The following UBXN7 variants were observed in gnomAD, a reference collection of about 807,000 sequenced individuals.
UBXN7 encodes the protein UBX domain-containing protein 7.
In UBXN7, 9 loss-of-function variants were observed where a neutral mutation model predicts 58.0. The observed-to-expected ratio is 0.16, with a 90% CI of 0.09 to 0.27. UBXN7 has a LOEUF of 0.27. UBXN7 is among the 10% of genes least tolerant of loss of function. UBXN7 has a pLI of 1.00. For missense variants in UBXN7, 328 were observed against 599.6 expected (o/e 0.55, Z 4.73); for synonymous variants, 208 against 205.0 (o/e 1.01, Z -0.12).
chr3:196,409,953 T>G (rs1316788814), intron 1 of UBXN7, among the ~76,000 whole-genome samples: 1 of 151,948 alleles, frequency 6.6e-6, no homozygotes, highest in Non-Finnish European at 1.5e-5. Flanking sequence ...TTTTTTTTTT[T>G]TTTTGAGACG....
In UBXN7 at chr3:196,401,274, A is replaced by T. The variant is rs370537825; in HGVS notation, c.289+1678T>A. On this transcript the variant is annotated intron_variant, in intron 3 of 10. Coordinates refer to ENST00000296328, the MANE Select transcript of UBXN7 (RefSeq NM_015562.2). ...AAAAAAAAAAAAAAAAAAAAAAAAA[A>T]ATATATATATATATATATATATATA... 6.3e-3 allele frequency among the ~76,000 whole-genome samples: 233 copies of T among 36,868 alleles called. 18 individuals carry two copies. In the South Asian group the frequency reaches 0.13, roughly 21 times the overall value. The allele number at this position is 36,868 out of a possible 152,430, so 24.2% of individuals were successfully genotyped here.
At position 196,370,831 on chromosome 3, in the gene UBXN7, G is replaced by A. The variant is rs1577438809; in HGVS notation, c.615+1065C>T. On this transcript the variant is annotated intron_variant, in intron 6 of 10. Coordinates refer to ENST00000296328, the MANE Select transcript of UBXN7 (RefSeq NM_015562.2). ...GGCCCAGGAGTTCGAGACGAGCCTG[G>A]GCAATATGGCAGGACCCCATCTCTA... 2.0e-5 allele frequency among the ~76,000 whole-genome samples: 3 copies of A among 148,768 alleles called. No individual in the cohort carries two copies. The East Asian group carries it at 5.9e-4, about 29-fold the overall frequency.
chr3:196,382,800 C>G (rs1005126374), intron 5 of UBXN7, among the ~76,000 whole-genome samples: 1 of 152,072 alleles, frequency 6.6e-6, no homozygotes, highest in African/African-American at 2.4e-5. Flanking sequence ...GAAGATCTAC[C>G]AAGCAAATGG....
Position 196,391,900 on chromosome 3 carries a change from A to T in UBXN7, c.381T>A (p.Asn127Lys). 3 of 1,595,892 alleles carry T rather than the reference A, an allele frequency of 1.9e-6. No homozygotes were observed. The highest frequency in any genetic ancestry group is 2.6e-6 in the Non-Finnish European group (3 of 1,169,968). The change falls in exon 5 of 11, where the codon AAT (asparagine) becomes AAA (lysine). Residue 127 changes from asparagine to lysine, a missense_variant. Coordinates refer to ENST00000296328, the MANE Select transcript of UBXN7 (RefSeq NM_015562.2). ...ETIRQEQELR[N>K]GGAIDKKLTT... ...TTAATTTCTTATCGATAGCTCCTCC[A>T]TTTCTTAATTCTTGTTCTTGCCGAA... is the stretch of plus-strand genomic sequence containing the variant.
Position 196,403,023 on chromosome 3 carries a change from T to C in UBXN7, c.222-4A>G. 6.3e-7 allele frequency: 1 copy of C among 1,586,484 alleles called. No homozygotes were observed. Among genetic ancestry groups the C allele is most frequent in the Non-Finnish European group, 8.5e-7 (1 of 1,173,732 alleles). On this transcript the variant is annotated splice_region_variant and splice_polypyrimidine_tract_variant and intron_variant, in intron 2 of 10. Coordinates refer to ENST00000296328, the MANE Select transcript of UBXN7 (RefSeq NM_015562.2). ...AATTGGGGCACGAACTTCTTCTCTA[T>C]TAAAAAAAAATGGGAAAATAAAAAA...
At chr3:196,427,471 C>A (rs1435752131) in intron 1 of UBXN7, among the ~76,000 whole-genome samples, 1 of 152,092 alleles carries the variant, frequency 6.6e-6, no homozygotes, top group Non-Finnish European at 1.5e-5. Context: ...GCGTGCACCA[C>A]CATGCTCAGC....
intron 1 of UBXN7, among the ~76,000 whole-genome samples, chr3:196,420,186 TA>T (rs1363294748): frequency 6.6e-6 from 1 of 152,080 alleles, no homozygotes; most frequent in Non-Finnish European, 1.5e-5. Flanking sequence ...GGGGGGCTAA[TA>T]AAACAAGTTT....
intron 1 of UBXN7, chr3:196,431,670 T>G (rs1225804103): frequency 1.1e-5 from 3 of 271,702 alleles, no homozygotes; most frequent in African/African-American, 7.0e-5. Context: ...CCTATTCAGC[T>G]TGGGGGTTCC....
At chr3:196,419,549 A>G (rs1415607145) in intron 1 of UBXN7, among the ~76,000 whole-genome samples, 1 of 152,204 alleles carries the variant, frequency 6.6e-6, no homozygotes, top group African/African-American at 2.4e-5. Context: ...CCGTATCATC[A>G]GTTGTTCTTA....
chr3:196,432,289 G>A, intron 1 of UBXN7, 38 bp downstream of exon 1: 1 of 1,611,856 alleles, frequency 6.2e-7, no homozygotes, highest in Non-Finnish European at 8.5e-7. Context: ...GCCCGCTCCG[G>A]ACCCCACTCT....
intron 5 of UBXN7, among the ~76,000 whole-genome samples, chr3:196,377,671 T>C (rs1729074306): frequency 6.6e-6 from 1 of 151,442 alleles, no homozygotes; most frequent in Admixed American, 6.6e-5. Flanking sequence ...TTTATTCTCC[T>C]TTTTTTTTCT....
At chr3:196,381,929 A>G (rs1392910719) in intron 5 of UBXN7, among the ~76,000 whole-genome samples, 1 of 151,918 alleles carries the variant, frequency 6.6e-6, no homozygotes, top group African/African-American at 2.4e-5. Flanking sequence ...GTGAGAAGAC[A>G]AGGTTAGAGA....
intron 8 of UBXN7, among the ~76,000 whole-genome samples, chr3:196,363,163 A>G (rs1728552778): frequency 6.6e-6 from 1 of 151,330 alleles, no homozygotes; most frequent in East Asian, 2.0e-4. Context: ...TCGGCCTCCC[A>G]AAGTGCTGGG....
At chr3:196,410,305 G>A (rs1407931856) in intron 1 of UBXN7, among the ~76,000 whole-genome samples, 1 of 152,108 alleles carries the variant, frequency 6.6e-6, no homozygotes, top group Non-Finnish European at 1.5e-5. Context: ...GGTTACTCAT[G>A]TTATCACTCT....
At chr3:196,419,049 T>C (rs939214424) in intron 1 of UBXN7, among the ~76,000 whole-genome samples, 1 of 152,124 alleles carries the variant, frequency 6.6e-6, no homozygotes, top group Non-Finnish European at 1.5e-5. Flanking sequence ...GTGGATCACT[T>C]GAGGCCAGGA....
chr3:196,400,289 G>T (rs1367560926), intron 3 of UBXN7: 1 of 152,042 alleles, frequency 6.6e-6, no homozygotes, highest in African/African-American at 2.4e-5. Context: ...TTAGGGACCT[G>T]AGCCCACACC....
intron 1 of UBXN7, among the ~76,000 whole-genome samples, chr3:196,408,663 T>C (rs1730235730): frequency 1.3e-5 from 2 of 152,222 alleles, no homozygotes; most frequent in Non-Finnish European, 1.5e-5. Flanking sequence ...TCGCTGTCAT[T>C]CCTGACAGTT....
chr3:196,403,163 TG>T (rs938849552), intron 2 of UBXN7, 144 bp from the exon 3 acceptor site: 1 of 843,740 alleles, frequency 1.2e-6, no homozygotes, highest in Non-Finnish European at 1.7e-6. Context: ...GCTATTTTTT[TG>T]GGGGGGCGGT....
chr3:196,384,096 A>G (rs536690973), intron 5 of UBXN7, among the ~76,000 whole-genome samples: 3 of 152,338 alleles, frequency 2.0e-5, no homozygotes, highest in Admixed American at 6.5e-5. Flanking sequence ...AAATAGACGC[A>G]ATAAAAAATG....
Sources: gnomAD v4.1 joint callset for allele counts (sites outside exome capture counted in the v4.1 genomes callset) on GRCh38, gnomAD v4.1.1 for gene constraint, MANE v1.5 for transcripts, NCBI Gene and HGNC (gene_info 2026-07-23, HGNC 2026-07-21) for gene names.